PTRH1: variants seen among roughly 807,000 people sequenced by gnomAD.
PTRH1 encodes peptidyl-tRNA hydrolase.
In PTRH1, 13 loss-of-function variants were observed where a neutral mutation model predicts 15.7. That is an observed-to-expected ratio of 0.83 (90% confidence interval 0.54 to 1.31). The LOEUF is 1.31. PTRH1 is among the 40% of genes most tolerant of loss of function. PTRH1 has a pLI of 0.00. For missense variants in PTRH1, 319 were observed against 296.2 expected (o/e 1.08, Z -0.56); for synonymous variants, 139 against 136.7 (o/e 1.02, Z -0.12).
At position 127,695,080 on chromosome 9, in the gene PTRH1, A is replaced by G. The variant is rs548184868; in HGVS notation, c.267T>C (p.His89=). ...GATGATGATGATGATGATGATGATG[A>G]TGATGATGATGATGGTGATGATGAT... The change falls in exon 2 of 3, where the codon CAT becomes CAC. Residue 89 remains histidine, a synonymous_variant. Transcript: ENST00000335223. 21 of 700,936 alleles carry G rather than the reference A, an allele frequency of 3.0e-5. No individual in the cohort carries two copies. The highest frequency in any genetic ancestry group is 2.7e-4 in the African/African-American group (15 of 55,984). The allele number at this position is 700,936 out of a possible 1,614,324, so 43.4% of individuals were successfully genotyped here.
At chr9:127,706,752 G>A (rs1842653363) in intron 1 of PTRH1, among the ~76,000 whole-genome samples, 3 of 152,192 alleles carry the variant, frequency 2.0e-5, no homozygotes, top group South Asian at 2.1e-4. Context: ...TCCCCATGGC[G>A]CTTATTTCCA....
At chr9:127,696,623 G>A (rs993024023) in intron 1 of PTRH1, among the ~76,000 whole-genome samples, 11 of 152,162 alleles carry the variant, frequency 7.2e-5, no homozygotes, top group Non-Finnish European at 1.6e-4. Flanking sequence ...ACTTTGGGAG[G>A]CCAAGGAGGG....
At chr9:127,714,917 C>CCCCCCCCCACCCCCCCCCCCCTT in intron 2 of PTRH1, 58 bp downstream of exon 2, 1 of 799,024 alleles carries the variant, frequency 1.3e-6, no homozygotes, top group Non-Finnish European at 2.0e-6. Flanking sequence ...CTCTGGCCCC[C>CCCCCCCCCACCCCCCCCCCCCTT]GCGCCCCAAC....
downstream of PTRH1, chr9:127,711,212 C>T: frequency 6.2e-7 from 1 of 1,611,574 alleles, no homozygotes. Flanking sequence ...CCCTTCCCCT[C>T]CCACCTTTCT....
At chr9:127,696,726 G>C (rs568828428) in intron 1 of PTRH1, among the ~76,000 whole-genome samples, 1 of 152,320 alleles carries the variant, frequency 6.6e-6, no homozygotes, top group Admixed American at 6.5e-5. Flanking sequence ...GCTGGGCGTG[G>C]TGGTGGACAC....
intron 1 of PTRH1, chr9:127,706,886 G>A: frequency 1.1e-6 from 1 of 929,676 alleles, no homozygotes; most frequent in South Asian, 1.7e-5. Flanking sequence ...CTTGGAGTGG[G>A]ACCTGGTACC....
downstream of PTRH1, chr9:127,712,089 G>T: frequency 6.6e-7 from 1 of 1,514,628 alleles, no homozygotes; most frequent in Non-Finnish European, 8.9e-7. Flanking sequence ...GGCTTGGGGC[G>T]GGATGGGGGC....
In PTRH1 at chr9:127,705,320, C is replaced by T. The variant is rs1449605591; in HGVS notation, c.205+10115G>A. Among the ~76,000 whole-genome samples, 2 of 152,236 alleles carry T rather than the reference C, an allele frequency of 1.3e-5. No homozygotes were observed. Among genetic ancestry groups the T allele is most frequent in the African/African-American group, 4.8e-5 (2 of 41,452 alleles). ...GGAGAAGCGATAATGAGACAGTGCC[C>T]CCATGGCAAGTAGCGGCCTATGGTC... On this transcript the variant is annotated intron_variant, in intron 1 of 2. Coordinates refer to the PTRH1 transcript ENST00000335223. The surrounding 1 kb of genome is among the most constrained non-coding windows in gnomAD (Gnocchi z 4.7).
chr9:127,715,180 C>T lies in PTRH1; in HGVS notation c.111G>A (p.Gly37=), dbSNP rs1842924429. The change falls in exon 2 of 5, where the codon GGG becomes GGA. Residue 37 remains glycine (G), a synonymous_variant. Coordinates refer to ENST00000543175, the MANE Select transcript of PTRH1 (RefSeq NM_001002913.3). The surrounding 1 kb of genome is among the most constrained non-coding windows in gnomAD (Gnocchi z 5.8). ...GTCGCGTGCCGGGCAGTCCGGGATT[C>T]CCCAGGCCAGCCACCTGCGGGCGGC... The part of the protein sequence containing the change: ...PGKRWMVAGL[G]NPGLPGTRHS... 6.5e-7 allele frequency: 1 copy of T among 1,527,976 alleles called. No homozygotes were observed. Among genetic ancestry groups the T allele is most frequent in the Non-Finnish European group, 8.8e-7 (1 of 1,141,984 alleles). 94.7% of individuals were successfully genotyped at this position (1,527,976 alleles called of 1,614,324 possible).
intron 1 of PTRH1, among the ~76,000 whole-genome samples, chr9:127,702,126 C>A (rs542079484): frequency 6.6e-6 from 1 of 152,190 alleles, no homozygotes; most frequent in African/African-American, 2.4e-5. Context: ...GTAATCCCAG[C>A]ACTTTGGGAG....
At chr9:127,712,472 A>T, downstream of PTRH1, 1 of 1,467,958 alleles carries the variant, frequency 6.8e-7, no homozygotes, top group Non-Finnish European at 9.1e-7. Flanking sequence ...AGACTCCTGG[A>T]AAGTCTGTCC....
chr9:127,711,181 C>T, downstream of PTRH1: 1 of 1,592,296 alleles, frequency 6.3e-7, no homozygotes, highest in South Asian at 1.1e-5. Context: ...GTGCCCAGGG[C>T]TTGTGCCCGC....
chr9:127,709,595 A>G (rs772829577), downstream of PTRH1: 3 of 1,613,982 alleles, frequency 1.9e-6, no homozygotes, highest in South Asian at 3.3e-5. The surrounding 1 kb of genome is among the most constrained non-coding windows in gnomAD (Gnocchi z 4.7). Flanking sequence ...CAGCTAGCCA[A>G]AGAGATGGAG....
At chr9:127,712,209 G>T (rs772826051), downstream of PTRH1, 1 of 1,613,808 alleles carries the variant, frequency 6.2e-7, no homozygotes, top group Non-Finnish European at 8.5e-7. Context: ...GAGCCAGAGA[G>T]ACCAGCTGAG....
chr9:127,708,109 C>A (rs1467398397), intron 1 of PTRH1, among the ~76,000 whole-genome samples: 1 of 151,922 alleles, frequency 6.6e-6, no homozygotes, highest in African/African-American at 2.4e-5. Context: ...AAGACTGCTT[C>A]CTCAGCCCCC....
At chr9:127,710,117 A>G (rs1016713986), downstream of PTRH1, among the ~76,000 whole-genome samples, 2 of 152,112 alleles carry the variant, frequency 1.3e-5, no homozygotes, top group Admixed American at 6.6e-5. Context: ...TACCAAAAAA[A>G]TACAAAAATT....
At chr9:127,707,039 C>T in intron 1 of PTRH1, 1 of 1,613,740 alleles carries the variant, frequency 6.2e-7, no homozygotes, top group Non-Finnish European at 8.5e-7. Context: ...GCCATGGCTC[C>T]CAAAAAGAGT....
chr9:127,714,713 G>C lies in PTRH1; in HGVS notation c.317-11C>G. 1 of 1,603,222 alleles carries C rather than the reference G, an allele frequency of 6.2e-7. No individual in the cohort carries two copies. The highest frequency in any genetic ancestry group is 8.5e-7 in the Non-Finnish European group (1 of 1,173,976). On this transcript the variant is annotated splice_polypyrimidine_tract_variant and intron_variant, in intron 2 of 4. Transcript: ENST00000543175. Reference sequence around the variant, plus strand: ...GCCCAAACAGCTCCGCTTAGCACAGGGAAACGGCAGCCCTGGTTACTGCCC... The same window carrying C: ...GCCCAAACAGCTCCGCTTAGCACAGCGAAACGGCAGCCCTGGTTACTGCCC...
chr9:127,695,067 G>GATC, exon 2 of PTRH1: 1 of 698,738 alleles, frequency 1.4e-6, no homozygotes, highest in East Asian at 2.7e-5. Flanking sequence ...TGATGATGAT[G>GATC]ATGATGATGA....
Sources: allele counts gnomAD v4.1 joint callset (sites outside exome capture counted in the v4.1 genomes callset), GRCh38; gene constraint gnomAD v4.1.1; non-coding constraint Gnocchi (gnomAD v3.1); transcripts MANE v1.5; gene names NCBI Gene and HGNC (gene_info 2026-07-23, HGNC 2026-07-21).